The following ISOC2 variants were observed in gnomAD, a reference collection of about 807,000 sequenced individuals.
ISOC2 encodes the protein isochorismatase domain-containing protein 2.
Under a neutral mutation model 19.3 loss-of-function variants are expected in ISOC2, and 15 were observed. The observed-to-expected ratio is 0.78, with a 90% confidence interval of 0.52 to 1.20. The LOEUF is 1.20. Ranked by LOEUF, ISOC2 falls within the 50% of genes most tolerant of loss-of-function variation. ISOC2 has a pLI of 0.00. For missense variants in ISOC2, 285 were observed against 272.4 expected (o/e 1.05, Z -0.33); for synonymous variants, 106 against 115.8 (o/e 0.92, Z 0.54).
At chr19:55,458,023 A>T (rs1157209366) in intron 1 of ISOC2, among the ~76,000 whole-genome samples, 1 of 150,956 alleles carries the variant, frequency 6.6e-6, no homozygotes, top group East Asian at 1.9e-4. Context: ...AATGGCTGAA[A>T]GGGTAAGTTT....
intron 4 of ISOC2, 70 bp downstream of exon 4, chr19:55,455,189 GC>G (rs1986006304): frequency 6.4e-7 from 1 of 1,558,630 alleles, no homozygotes; most frequent in African/African-American, 1.4e-5. Context: ...TGGTGGGAAT[GC>G]CGCCTGTGGC....
At chr19:55,453,899 C>T (rs1180466120) in intron 5 of ISOC2, 1 of 152,188 alleles carries the variant, frequency 6.6e-6, no homozygotes, top group Non-Finnish European at 1.5e-5. Flanking sequence ...TCCCCCCTGC[C>T]TCATCACCGC....
chr19:55,455,116 G>A lies in ISOC2; in HGVS notation c.420-10C>T, dbSNP rs1174688243. The A allele has an allele frequency of 2.6e-6, 4 of 1,551,902 alleles. No homozygotes were observed. The South Asian group carries it at 3.3e-5, about 13-fold the overall frequency. On this transcript the variant is annotated splice_polypyrimidine_tract_variant and intron_variant, in intron 4 of 5. Coordinates refer to ENST00000425675, the MANE Select transcript of ISOC2 (RefSeq NM_001136201.2). ...CAGCCGGTCCACCTGGCTGTGAGTG[G>A]GAGGGAGGGAGGGAAGGTTGGTGTG...
chr19:55,456,411 TCTC>T lies in ISOC2; in HGVS notation c.73_75del (p.Glu25del), dbSNP rs986892937. ...AAGTAGGCGATGTTGTGGCGGAACTTCTCCTGCATGTCACACAGGAACAGGACA... is the reference window on the plus strand; with the variant it reads ...AAGTAGGCGATGTTGTGGCGGAACTTCTGCATGTCACACAGGAACAGGACA... On this transcript the variant is annotated inframe_deletion, in exon 2 of 6. Coordinates refer to ENST00000425675, the MANE Select transcript of ISOC2 (RefSeq NM_001136201.2). The T allele has an allele frequency of 2.4e-5, 38 of 1,613,540 alleles. No individual in the cohort carries two copies. The highest frequency in any genetic ancestry group is 2.9e-5 in the Non-Finnish European group (34 of 1,179,842).
chr19:55,458,075 AAGAAAGAAAAGAAG>A (rs1234369088), intron 1 of ISOC2, among the ~76,000 whole-genome samples: 28 of 152,036 alleles, frequency 1.8e-4, no homozygotes, highest in African/African-American at 4.8e-4. Context: ...AAAAAAAGAA[AAGAAAGAAAAGAAG>A]AGAAAGAAAA....
Position 55,455,718 on chromosome 19 carries a change from G to A in ISOC2, c.266C>T (p.Pro89Leu), listed in dbSNP as rs1039668219. The change falls in exon 3 of 6, where the codon CCT (proline) becomes CTT (leucine). Residue 89 changes from proline to leucine, a missense_variant. Physicochemically the swap from Pro to Leu is moderately conservative, Grantham distance 98. Transcript: ENST00000425675. Reference protein sequence around the residue: ...PLAKTCFSMVPALQQELDSRP... With the variant: ...PLAKTCFSMVLALQQELDSRP... ...ACTGTCCAGCTCCTGCTGCAGGGCA[G>A]GCACCATGCTGAAGCAGGTCTTGGC... 2.5e-6 allele frequency: 4 copies of A among 1,611,242 alleles called. No homozygotes were observed. Among genetic ancestry groups the A allele is most frequent in the Non-Finnish European group, 3.4e-6 (4 of 1,179,288 alleles).
At chr19:55,455,180 G>C in intron 4 of ISOC2, 74 bp from the exon 5 acceptor site, 1 of 1,565,422 alleles carries the variant, frequency 6.4e-7, no homozygotes, top group Non-Finnish European at 8.7e-7. Flanking sequence ...CAGGCACCCT[G>C]GTGGGAATGC....
chr19:55,455,505 A>AGGAGAGAG, intron 3 of ISOC2, 131 bp downstream of exon 3: 2 of 1,099,358 alleles, frequency 1.8e-6, no homozygotes, highest in East Asian at 5.0e-5. Context: ...CCCACAGGTG[A>AGGAGAGAG]GGAGAGAGGG....
chr19:55,460,565 A>G (rs2123389011), intron 1 of ISOC2, among the ~76,000 whole-genome samples: 1 of 152,362 alleles, frequency 6.6e-6, no homozygotes, highest in African/African-American at 2.4e-5. Flanking sequence ...CTATGGCGTC[A>G]GAAGCCAGGA....
chr19:55,461,103 A>C (rs1455944636), intron 1 of ISOC2, among the ~76,000 whole-genome samples: 1 of 151,162 alleles, frequency 6.6e-6, no homozygotes, highest in Non-Finnish European at 1.5e-5. Context: ...GGAGAGATTC[A>C]GCCTGGGTGG....
chr19:55,456,587 C>G (rs149822213), intron 1 of ISOC2, 98 bp from the exon 2 acceptor site: 12 of 1,484,140 alleles, frequency 8.1e-6, no homozygotes, highest in Non-Finnish European at 1.1e-5. Context: ...TGGCAGGGCC[C>G]GGGGCACCTT....
At chr19:55,455,372 G>A (rs144189579) in intron 3 of ISOC2, 42 bp from the exon 4 acceptor site, 26 of 1,611,772 alleles carry the variant, frequency 1.6e-5, no homozygotes, top group Admixed American at 8.3e-5. Context: ...GGATAAGAAC[G>A]GGGGTCCTGG....
At chr19:55,455,550 A>T in intron 3 of ISOC2, 86 bp downstream of exon 3, 1 of 1,216,268 alleles carries the variant, frequency 8.2e-7, no homozygotes, top group Non-Finnish European at 1.1e-6. Flanking sequence ...AGGGAAGTGG[A>T]GGTTTCTGGT....
In ISOC2 at chr19:55,456,381, G is replaced by A; in HGVS notation, c.106C>T (p.Gln36Ter). The change falls in exon 2 of 6, where the codon CAG (glutamine) becomes TAG (stop). Residue 36 changes from glutamine to a stop codon, truncating the protein, a stop_gained. Coordinates refer to ENST00000425675, the MANE Select transcript of ISOC2 (RefSeq NM_001136201.2). LOFTEE classifies it high-confidence loss of function. ...ATGCGGGCAGCCACTGAGACGATCT[G>A]TGGGAAGTAGGCGATGTTGTGGCGG... Reference protein sequence around the residue: ...KFRHNIAYFPQIVSVAARMLK... With the variant: ...KFRHNIAYFP The A allele has an allele frequency of 1.9e-6, 3 of 1,613,956 alleles. No individual in the cohort carries two copies. Among genetic ancestry groups the A allele is most frequent in the Non-Finnish European group, 2.5e-6 (3 of 1,179,916 alleles).
chr19:55,458,533 T>C (rs1271444564), intron 1 of ISOC2, among the ~76,000 whole-genome samples: 2 of 129,674 alleles, frequency 1.5e-5, no homozygotes, highest in Non-Finnish European at 1.7e-5. Context: ...TTTTCTTTTC[T>C]TTTTTTTTTT....
chr19:55,455,116 G>T lies in ISOC2; in HGVS notation c.420-10C>A. The stretch of plus-strand genomic sequence containing the variant: ...CAGCCGGTCCACCTGGCTGTGAGTG[G>T]GAGGGAGGGAGGGAAGGTTGGTGTG... On this transcript the variant is annotated splice_polypyrimidine_tract_variant and intron_variant, in intron 4 of 5. Coordinates refer to ENST00000425675, the MANE Select transcript of ISOC2 (RefSeq NM_001136201.2). 3.2e-6 allele frequency: 5 copies of T among 1,551,900 alleles called. No individual in the cohort carries two copies. The highest frequency in any genetic ancestry group is 1.1e-5 in the South Asian group (1 of 89,824).
intron 1 of ISOC2, among the ~76,000 whole-genome samples, chr19:55,457,967 G>T (rs926586948): frequency 6.6e-6 from 1 of 151,692 alleles, no homozygotes; most frequent in Non-Finnish European, 1.5e-5. Context: ...TGGTGGTGGC[G>T]GCTGCAGAAC....
chr19:55,454,209 T>C, intron 5 of ISOC2: 1 of 152,862 alleles, frequency 6.5e-6, no homozygotes, highest in Non-Finnish European at 1.5e-5. Flanking sequence ...TGTGAGTGCC[T>C]GATGCCCCCT....
In ISOC2 at chr19:55,453,300, G is replaced by C. The variant is rs755911276; in HGVS notation, c.*8C>G. 1 of 1,600,952 alleles carries C rather than the reference G, an allele frequency of 6.2e-7. No individual in the cohort carries two copies. The highest frequency in any genetic ancestry group is 8.5e-7 in the Non-Finnish European group (1 of 1,173,532). ...GAGGGTGGTCTTCCCTCAAGGCAGG[G>C]TTGGAGTTCAGTGGAGGAGGGAGTT... is the stretch of plus-strand genomic sequence containing the variant. On this transcript the variant is annotated 3_prime_UTR_variant, in exon 6 of 6. Coordinates refer to ENST00000425675, the MANE Select transcript of ISOC2 (RefSeq NM_001136201.2).
Sources: allele counts gnomAD v4.1 joint callset (sites outside exome capture counted in the v4.1 genomes callset), GRCh38; gene constraint gnomAD v4.1.1; transcripts MANE v1.5; gene names NCBI Gene and HGNC (gene_info 2026-07-23, HGNC 2026-07-21).